The following CTNNA2 variants were observed in gnomAD, a reference collection of about 807,000 sequenced individuals.
CTNNA2 encodes catenin alpha-2.
In CTNNA2, 42 loss-of-function variants were observed where a neutral mutation model predicts 101.0. That is an observed-to-expected ratio of 0.42 (90% CI 0.32 to 0.54). The LOEUF is 0.54. CTNNA2 is among the 20% of genes least tolerant of loss of function. The pLI is 0.14. For synonymous variants in CTNNA2, 450 were observed against 456.4 expected, an observed-to-expected ratio of 0.99 and a Z score of 0.18; for missense variants, 871 against 1,223.1, an observed-to-expected ratio of 0.71 and a Z score of 4.29.
At chr2:80,279,090 C>CAGAG (rs962361416) in intron 7 of CTNNA2, among the ~76,000 whole-genome samples, 2 of 60,364 alleles carry the variant, frequency 3.3e-5, no homozygotes, top group East Asian at 9.1e-4. Context: ...GTGTGTGAAA[C>CAGAG]AGAGAGAGAG....
chr2:79,967,902 T>C (rs1006244002), intron 7 of CTNNA2, among the ~76,000 whole-genome samples: 6 of 152,200 alleles, frequency 3.9e-5, no homozygotes, highest in African/African-American at 1.4e-4. Flanking sequence ...AATATATACT[T>C]CAATGTGGAT....
intron 7 of CTNNA2, among the ~76,000 whole-genome samples, chr2:80,270,431 T>C (rs1305494376): frequency 2.0e-5 from 3 of 152,200 alleles, no homozygotes; most frequent in Non-Finnish European, 4.4e-5. Context: ...TTGCTCTTAC[T>C]CAGCAGGGAA....
At chr2:79,574,491 T>C (rs994553983) in intron 1 of CTNNA2, among the ~76,000 whole-genome samples, 3 of 152,182 alleles carry the variant, frequency 2.0e-5, no homozygotes, top group Admixed American at 6.6e-5. Context: ...TTCCTGTGTT[T>C]GCTCGCTTAG....
chr2:79,494,029 T>C (rs369173934), intron 4 of CTNNA2: 5 of 152,024 alleles, frequency 3.3e-5, no homozygotes, highest in East Asian at 3.9e-4. Flanking sequence ...ATATTAACAA[T>C]GAACAATCTA....
In CTNNA2 at chr2:80,545,920, C is replaced by T. The variant is rs773814879; in HGVS notation, c.1397C>T (p.Ala466Val). ...TCCAACAAATAGGTCATCAATGCCG[C>T]TCTGACACTGGCTGCCCGGCCACAG... ...DSLCPQVINA[A>V]LTLAARPQSK... Residue 466 changes from alanine to valine, a missense_variant, in exon 11 of 19, where the codon GCT (alanine) becomes GTT (valine). By Grantham distance (64) the Ala-to-Val change is moderately conservative. This residue lies in a region of CTNNA2 where 647 missense variants were observed against 831.5 expected (regional missense o/e 0.78). Coordinates refer to ENST00000402739, the MANE Select transcript of CTNNA2 (RefSeq NM_001282597.3). The T allele has an allele frequency of 1.9e-6, 3 of 1,613,906 alleles. No individual in the cohort carries two copies. Among genetic ancestry groups the T allele is most frequent in the Non-Finnish European group, 2.5e-6 (3 of 1,179,948 alleles).
intron 7 of CTNNA2, among the ~76,000 whole-genome samples, chr2:79,987,098 C>T (rs1398441126): frequency 6.6e-6 from 1 of 152,162 alleles, no homozygotes; most frequent in East Asian, 1.9e-4. Flanking sequence ...TTTTTCCCCA[C>T]TGGAAGCTGT....
At position 80,060,502 on chromosome 2, in the gene CTNNA2, A is replaced by G. The variant is rs112422991; in HGVS notation, c.1056+150705A>G. Among the ~76,000 whole-genome samples, 75 of 152,018 alleles carry G rather than the reference A, an allele frequency of 4.9e-4. 1 individual carries two copies. The highest frequency in any genetic ancestry group is 1.4e-3 in the African/African-American group (57 of 41,518). On this transcript the variant is annotated intron_variant, in intron 7 of 18. Coordinates refer to ENST00000402739, the MANE Select transcript of CTNNA2 (RefSeq NM_001282597.3). ...TTCAATATCTCCTATTTCTTACCAT[A>G]TAAACCCCAAGACCCCATGACCTGG...
At chr2:80,210,303 T>C (rs1707804032) in intron 7 of CTNNA2, among the ~76,000 whole-genome samples, 1 of 152,214 alleles carries the variant, frequency 6.6e-6, no homozygotes. Context: ...CATGTTGTTG[T>C]CCTGCACCCA....
At chr2:80,010,919 T>C (rs1409264527) in intron 7 of CTNNA2, among the ~76,000 whole-genome samples, 1 of 152,134 alleles carries the variant, frequency 6.6e-6, no homozygotes, top group Admixed American at 6.6e-5. Flanking sequence ...TCTGTAAAAT[T>C]GAGGGTCTCC....
chr2:79,328,439 T>C (rs755336930), intron 3 of CTNNA2, among the ~76,000 whole-genome samples: 2 of 152,206 alleles, frequency 1.3e-5, no homozygotes, highest in Non-Finnish European at 2.9e-5. Flanking sequence ...TGGCTCCTTG[T>C]CTGGCTAGAC....
chr2:80,356,681 T>A (rs1447039568), intron 7 of CTNNA2, among the ~76,000 whole-genome samples: 2 of 152,126 alleles, frequency 1.3e-5, no homozygotes, highest in African/African-American at 2.4e-5. Flanking sequence ...CTGGCCATTT[T>A]AATGGCCAGG....
chr2:80,444,952 C>T (rs1480135898), intron 9 of CTNNA2, among the ~76,000 whole-genome samples: 3 of 152,260 alleles, frequency 2.0e-5, no homozygotes, highest in African/African-American at 4.8e-5. Flanking sequence ...ATACCAGTAG[C>T]ATCCACCCAG....
intron 9 of CTNNA2, among the ~76,000 whole-genome samples, chr2:80,539,291 A>G (rs1201818181): frequency 6.8e-6 from 1 of 146,886 alleles, no homozygotes; most frequent in Non-Finnish European, 1.5e-5. Flanking sequence ...TCTTCAAAAA[A>G]TAGGCATAGG....
chr2:80,642,461 C>T (rs1421450948), intron 18 of CTNNA2, among the ~76,000 whole-genome samples: 8 of 152,096 alleles, frequency 5.3e-5, no homozygotes, highest in Non-Finnish European at 1.2e-4. Context: ...AACACTTAAG[C>T]ACAGTAGTTG....
intron 11 of CTNNA2, among the ~76,000 whole-genome samples, chr2:80,548,519 G>A (rs1692291272): frequency 6.6e-6 from 1 of 151,956 alleles, no homozygotes; most frequent in Non-Finnish European, 1.5e-5. Flanking sequence ...ATTCCTTTGT[G>A]CATCTCATTA....
chr2:79,291,150 A>G (rs1056429363), intron 2 of CTNNA2, among the ~76,000 whole-genome samples: 7 of 152,238 alleles, frequency 4.6e-5, no homozygotes, highest in Non-Finnish European at 8.8e-5. Flanking sequence ...TCCTTTCACT[A>G]TGACACAAGT....
intron 4 of CTNNA2, among the ~76,000 whole-genome samples, chr2:79,867,243 TAA>T: frequency 6.6e-6 from 1 of 152,302 alleles, no homozygotes; most frequent in Admixed American, 6.5e-5. Flanking sequence ...TGTTCAAAAA[TAA>T]AGACTTAATT....
At chr2:79,193,399 T>A (rs7556837) in intron 1 of CTNNA2, among the ~76,000 whole-genome samples, 17,957 of 152,194 alleles carry the variant, frequency 0.12, 1,149 homozygotes, top group Middle Eastern at 0.21. Context: ...TTTATCATTG[T>A]GTAACAGTTA....
chr2:79,869,348 C>G (rs972662142), intron 4 of CTNNA2, among the ~76,000 whole-genome samples: 1 of 152,094 alleles, frequency 6.6e-6, no homozygotes, highest in African/African-American at 2.4e-5. Context: ...CCCTTTAGTC[C>G]CGGTGCTAGA....
Sources: allele counts gnomAD v4.1 joint callset (sites outside exome capture counted in the v4.1 genomes callset), GRCh38; gene constraint gnomAD v4.1.1; regional missense constraint gnomAD v4.1.1; transcripts MANE v1.5; gene names NCBI Gene and HGNC (gene_info 2026-07-23, HGNC 2026-07-21).